SAMMSON: variants seen among roughly 807,000 people sequenced by gnomAD.
SAMMSON encodes the protein long intergenic non-protein coding RNA 1212.
At chr3:70,173,273 A>G (rs933358708) in intron 4 of SAMMSON, among the ~76,000 whole-genome samples, 30 of 152,118 alleles carry the variant, frequency 2.0e-4, no homozygotes, top group African/African-American at 7.2e-4. Context: ...CCTTTAAAGT[A>G]GTCTCTGTTC....
intron 7 of SAMMSON, among the ~76,000 whole-genome samples, chr3:70,340,352 T>G (rs960929064): frequency 1.3e-5 from 2 of 150,120 alleles, no homozygotes; most frequent in African/African-American, 4.9e-5. Flanking sequence ...GTAACAAACC[T>G]GCATGTTGTG....
chr3:70,114,607 C>T (rs1371911938), intron 4 of SAMMSON, among the ~76,000 whole-genome samples: 4 of 152,110 alleles, frequency 2.6e-5, no homozygotes, highest in Non-Finnish European at 4.4e-5. Flanking sequence ...ACCTTCGTGC[C>T]TCTGTTTAGT....
chr3:70,351,412 A>G (rs1214026647), intron 7 of SAMMSON, among the ~76,000 whole-genome samples: 3 of 152,092 alleles, frequency 2.0e-5, no homozygotes, highest in African/African-American at 7.2e-5. Flanking sequence ...GAAGAAAAAT[A>G]TGTTTCCAAA....
At chr3:70,272,920 T>C (rs1186550797) in intron 6 of SAMMSON, among the ~76,000 whole-genome samples, 1 of 152,192 alleles carries the variant, frequency 6.6e-6, no homozygotes, top group African/African-American at 2.4e-5. Flanking sequence ...GCAACTAACA[T>C]TCTGCAAAAA....
intron 3 of SAMMSON, among the ~76,000 whole-genome samples, chr3:70,034,369 TG>T (rs2067077676): frequency 2.0e-5 from 3 of 152,202 alleles, no homozygotes; most frequent in Admixed American, 1.3e-4. Context: ...CACCGAAGAA[TG>T]GGTTTGGCTG....
At chr3:70,413,428 CAGG>C (rs1701237828) in intron 2 of SAMMSON, among the ~76,000 whole-genome samples, 1 of 152,062 alleles carries the variant, frequency 6.6e-6, no homozygotes, top group Non-Finnish European at 1.5e-5. Flanking sequence ...TGAAAAGGAC[CAGG>C]AGAAGGAAAT....
At chr3:70,370,557 A>G (rs966428284) in intron 9 of SAMMSON, among the ~76,000 whole-genome samples, 3 of 152,096 alleles carry the variant, frequency 2.0e-5, no homozygotes, top group Non-Finnish European at 4.4e-5. Context: ...TCTGATGATT[A>G]GTGATGGTGA....
At chr3:70,331,399 C>G (rs542455161) in intron 7 of SAMMSON, among the ~76,000 whole-genome samples, 1 of 152,156 alleles carries the variant, frequency 6.6e-6, no homozygotes, top group Admixed American at 6.5e-5. Context: ...TTTTCTGTTT[C>G]TCTCTTATCA....
intron 7 of SAMMSON, chr3:70,354,141 A>C (rs1016134510): frequency 6.6e-6 from 1 of 152,196 alleles, no homozygotes; most frequent in Non-Finnish European, 1.5e-5. Context: ...TAATGTATCA[A>C]TGTAAATATC....
intron 2 of SAMMSON, among the ~76,000 whole-genome samples, chr3:70,422,396 A>T (rs1195161815): frequency 6.6e-6 from 1 of 151,982 alleles, no homozygotes; most frequent in East Asian, 1.9e-4. Context: ...TACCATATTA[A>T]TATTTTATTA....
intron 2 of SAMMSON, among the ~76,000 whole-genome samples, chr3:70,404,672 A>G (rs956288543): frequency 3.3e-5 from 5 of 152,212 alleles, no homozygotes; most frequent in African/African-American, 9.7e-5. Flanking sequence ...ATCATAAGAA[A>G]TAACATCAGA....
At chr3:70,126,774 G>GGC in intron 4 of SAMMSON, 1 of 227,048 alleles carries the variant, frequency 4.4e-6, no homozygotes, top group South Asian at 6.3e-5. Flanking sequence ...GGAGTGCAGT[G>GGC]GCACAGTCTC....
At chr3:70,322,482 C>T (rs1180646746) in intron 7 of SAMMSON, among the ~76,000 whole-genome samples, 1 of 152,088 alleles carries the variant, frequency 6.6e-6, no homozygotes, top group Non-Finnish European at 1.5e-5. Flanking sequence ...TGCTTTCTTT[C>T]GTCCAGTACT....
chr3:70,105,153 A>G (rs2067362681), intron 4 of SAMMSON, among the ~76,000 whole-genome samples: 1 of 152,144 alleles, frequency 6.6e-6, no homozygotes. Flanking sequence ...ATTTTAAAAG[A>G]TAGGCTGAAA....
At chr3:70,133,141 G>T (rs993436715) in intron 4 of SAMMSON, among the ~76,000 whole-genome samples, 1 of 152,154 alleles carries the variant, frequency 6.6e-6, no homozygotes, top group African/African-American at 2.4e-5. Context: ...ATGACTAATG[G>T]CTGGTGGCCC....
At chr3:70,197,079 G>C (rs374222183) in intron 4 of SAMMSON, 7 of 398,470 alleles carry the variant, frequency 1.8e-5, no homozygotes, top group Non-Finnish European at 3.1e-5. Flanking sequence ...ACCGGCGAGA[G>C]GGGCAGCACA....
At chr3:70,115,864 G>A (rs565488158) in intron 4 of SAMMSON, among the ~76,000 whole-genome samples, 1 of 152,046 alleles carries the variant, frequency 6.6e-6, no homozygotes, top group Non-Finnish European at 1.5e-5. Flanking sequence ...GACCCCTCAG[G>A]GTGCTAAGTT....
chr3:70,383,513 C>T (rs990509608), intron 9 of SAMMSON, among the ~76,000 whole-genome samples: 1 of 152,022 alleles, frequency 6.6e-6, no homozygotes, highest in African/African-American at 2.4e-5. Context: ...GCCCACTTTC[C>T]GTATGAATTG....
At chr3:70,236,867 G>A (rs1412476732) in intron 4 of SAMMSON, among the ~76,000 whole-genome samples, 1 of 152,160 alleles carries the variant, frequency 6.6e-6, no homozygotes, top group Non-Finnish European at 1.5e-5. Flanking sequence ...AAGGTGTTAG[G>A]ATTTCAGGTA....
Sources: gnomAD v4.1 joint callset for allele counts (sites outside exome capture counted in the v4.1 genomes callset) on GRCh38, gnomAD v4.1.1 for gene constraint, MANE v1.5 for transcripts, NCBI Gene and HGNC (gene_info 2026-07-23, HGNC 2026-07-21) for gene names.